The following RPL10 variants were observed in gnomAD, a reference collection of about 807,000 sequenced individuals.
RPL10 encodes the protein large ribosomal subunit protein uL16.
In RPL10, 1 loss-of-function variant was observed where a neutral mutation model predicts 15.7. The observed-to-expected ratio is 0.06, with a 90% confidence interval of 0.02 to 0.30. The LOEUF is 0.30. Among genes scored for constraint, RPL10 ranks in the 10% least tolerant of loss-of-function variants. The probability of loss-of-function intolerance (pLI) is 1.00; values close to 1 mark genes in which losing one functional copy is unlikely to be tolerated. For synonymous variants in RPL10, 59 were observed against 64.0 expected, an observed-to-expected ratio of 0.92 and a Z score of 0.37; for missense variants, 54 against 183.4, an observed-to-expected ratio of 0.29 and a Z score of 4.08.
At chrX:154,398,576 G>A in intron 2 of RPL10, 34 bp downstream of exon 2, 5 of 1,209,294 alleles carry the variant, frequency 4.1e-6, no homozygotes, top group Non-Finnish European at 5.6e-6. Context: ...TCACTGCTGG[G>A]AAACGGGCGG....
Position 154,401,180 on chromosome X carries a change from C to G in RPL10, c.*326C>G, listed in dbSNP as rs2068023904. On this transcript the variant is annotated 3_prime_UTR_variant, in exon 7 of 7. Coordinates refer to ENST00000369817, the MANE Select transcript of RPL10 (RefSeq NM_006013.5). ...TGCAGCAAAGCCTTGCAATCCCAGG[C>G]TGGGGTCAGCCTACAGTTGTGTTGC... is the stretch of plus-strand genomic sequence containing the variant. 2.8e-6 allele frequency: 1 copy of G among 362,464 alleles called. No homozygotes were observed. The highest frequency in any genetic ancestry group is 2.7e-5 in the African/African-American group (1 of 37,521). 29.9% of individuals were successfully genotyped at this position (362,464 alleles called of 1,213,427 possible).
intron 2 of RPL10, 197 bp downstream of exon 2, chrX:154,398,739 G>A (rs1029142395): frequency 6.0e-6 from 3 of 503,692 alleles, no homozygotes; most frequent in Non-Finnish European, 1.0e-5. Flanking sequence ...CCGTGTCGGT[G>A]TGGAAGCGAC....
intron 2 of RPL10, 110 bp downstream of exon 2, chrX:154,398,652 G>T (rs1223388856): frequency 1.0e-6 from 1 of 988,605 alleles, no homozygotes; most frequent in African/African-American, 1.9e-5. Context: ...CGGCGGCCCT[G>T]TCTTGGGAAC....
chrX:154,398,977 GTGCCCGAAAGTCTTAAATTGGGTGA>G (rs1250194633), intron 2 of RPL10: 3 of 364,227 alleles, frequency 8.2e-6, no homozygotes, highest in Non-Finnish European at 1.5e-5. Flanking sequence ...TTAGTGCCAC[GTGCCCGAAAGTCTTAAATTGGGTGA>G]CCTGAGCTGT....
rs901296786 is a variant in RPL10, at chrX:154,401,308, C to T, written c.*454C>T. Reference sequence around the variant, plus strand: ...GTGCATCACATTGGGCTTGTTCTCACCCATCTGGTTTGGCCATTCCTCCTT... The same window carrying T: ...GTGCATCACATTGGGCTTGTTCTCATCCATCTGGTTTGGCCATTCCTCCTT... On this transcript the variant is annotated 3_prime_UTR_variant, in exon 7 of 7. Coordinates refer to ENST00000369817, the MANE Select transcript of RPL10 (RefSeq NM_006013.5). 7 of 202,392 alleles carry T rather than the reference C, an allele frequency of 3.5e-5. No individual in the cohort carries two copies. Among genetic ancestry groups the T allele is most frequent in the African/African-American group, 1.2e-4 (4 of 34,297 alleles). The allele number at this position is 202,392 out of a possible 1,213,427, so 16.7% of individuals were successfully genotyped here.
chrX:154,398,454 T>C, intron 1 of RPL10, 43 bp from the exon 2 acceptor site: 1 of 1,187,930 alleles, frequency 8.4e-7, no homozygotes, highest in Non-Finnish European at 1.1e-6. Flanking sequence ...ACCTTTTAGG[T>C]CTGTTCTCGT....
In RPL10 at chrX:154,400,437, T is replaced by G. The variant is rs782289345; in HGVS notation, c.330-27T>G. 2.5e-6 allele frequency: 3 copies of G among 1,196,787 alleles called. No individual in the cohort carries two copies. In the African/African-American group the frequency reaches 5.3e-5, roughly 21 times the overall value. On this transcript the variant is annotated intron_variant, in intron 5 of 6. Transcript: ENST00000369817. ...AGGCCTTTCAGGTGGATGTTCATGT[T>G]TCTGACCTTGCACTACCCCAATGTA...
chrX:154,398,208 C>T, upstream of RPL10: 1 of 466,876 alleles, frequency 2.1e-6, no homozygotes, highest in Non-Finnish European at 3.9e-6. Context: ...ACCCGGTCAC[C>T]TCTCTGATCT....
intron 2 of RPL10, 30 bp from the exon 3 acceptor site, chrX:154,399,308 C>G (rs968121118): frequency 6.6e-6 from 8 of 1,206,697 alleles, no homozygotes; most frequent in Non-Finnish European, 9.0e-6. Flanking sequence ...GTGAACCTCA[C>G]CTAACCTGTG....
rs782769153 is a variant in RPL10, at chrX:154,400,903, C to G, written c.*49C>G. ...TCTTAATACTCACCAATAAATTCTACTTCCTGTCCACCTATGTCTTTGTAT... is the reference window on the plus strand; with the variant it reads ...TCTTAATACTCACCAATAAATTCTAGTTCCTGTCCACCTATGTCTTTGTAT... On this transcript the variant is annotated 3_prime_UTR_variant, in exon 7 of 7. Coordinates refer to ENST00000369817, the MANE Select transcript of RPL10 (RefSeq NM_006013.5). 160 of 1,208,383 alleles carry G rather than the reference C, an allele frequency of 1.3e-4. No individual in the cohort carries two copies. Among genetic ancestry groups the G allele is most frequent in the Non-Finnish European group, 1.7e-4 (151 of 894,447 alleles).
Position 154,399,888 on chromosome X carries a change from C to T in RPL10, c.276C>T (p.His92=). 1 of 1,212,180 alleles carries T rather than the reference C, an allele frequency of 8.2e-7. No homozygotes were observed. The highest frequency in any genetic ancestry group is 1.8e-5 in the South Asian group (1 of 57,040). Residue 92 remains histidine (H), a synonymous_variant, in exon 5 of 7, where the codon CAC becomes CAT. Coordinates refer to ENST00000369817, the MANE Select transcript of RPL10 (RefSeq NM_006013.5). ...GCTTCCATATCCGGGTGCGGCTCCACCCCTTCCACGTCATCCGCATCAACA... is the reference window on the plus strand; with the variant it reads ...GCTTCCATATCCGGGTGCGGCTCCATCCCTTCCACGTCATCCGCATCAACA... ...KDGFHIRVRL[H]PFHVIRINKM...
intron 5 of RPL10, chrX:154,400,245 G>A (rs782566970): frequency 1.8e-6 from 1 of 569,715 alleles, no homozygotes; most frequent in Non-Finnish European, 3.1e-6. Flanking sequence ...TGGCAGAGGA[G>A]CCCAGTGGCG....
rs782813115 is a variant in RPL10 at position 154,401,037 on chromosome X, G to T, written c.*183G>T. On this transcript the variant is annotated 3_prime_UTR_variant, in exon 7 of 7. Transcript: ENST00000369817. ...CCCTGCTCATGAGGCAGCAAACCCT[G>T]CAAAGGGCTGGGACTGGTGGCCTTA... 2.8e-5 allele frequency: 32 copies of T among 1,142,119 alleles called. No homozygotes were observed. The highest frequency in any genetic ancestry group is 1.8e-5 in the African/African-American group (1 of 55,375). 94.1% of individuals were successfully genotyped at this position (1,142,119 alleles called of 1,213,427 possible).
At chrX:154,398,615 C>T (rs1557184954) in intron 2 of RPL10, 73 bp downstream of exon 2, 3 of 1,161,901 alleles carry the variant, frequency 2.6e-6, no homozygotes, top group East Asian at 3.0e-5. Context: ...CCGCTGAAAA[C>T]AATTGTGGGG....
In RPL10 at chrX:154,400,776, G is replaced by A. The variant is rs782131160; in HGVS notation, c.567G>A (p.Arg189=). 1.8e-5 allele frequency: 22 copies of A among 1,211,511 alleles called. No homozygotes were observed. The Admixed American group carries it at 4.8e-4, about 26-fold the overall frequency. Reference sequence around the variant, plus strand: ...TTGAAGACATGGTGGCTGAAAAGCGGCTCATCCCAGATGGCTGTGGGGTCA... The same window carrying A: ...TTGAAGACATGGTGGCTGAAAAGCGACTCATCCCAGATGGCTGTGGGGTCA... ...DEFEDMVAEK[R]LIPDGCGVKY... Residue 189 remains arginine, a synonymous_variant, in exon 7 of 7, where the codon CGG becomes CGA. Coordinates refer to ENST00000369817, the MANE Select transcript of RPL10 (RefSeq NM_006013.5).
chrX:154,398,370 G>A (rs782306615), upstream of RPL10: 9 of 710,633 alleles, frequency 1.3e-5, no homozygotes, highest in East Asian at 3.2e-5. Flanking sequence ...CGCAGGCGGA[G>A]GAGCGCCTCT....
chrX:154,398,383 C>T lies in RPL10; in HGVS notation c.-35C>T, dbSNP rs963493758. ...TGCGCAGGCGGAGGAGCGCCTCTTT[C>T]CCTTCGGTGTGGTGAGTAAGCGCAG... is the stretch of plus-strand genomic sequence containing the variant. On this transcript the variant is annotated 5_prime_UTR_variant, in exon 1 of 7. Transcript: ENST00000369817. 2.0e-5 allele frequency: 16 copies of T among 796,182 alleles called. No homozygotes were observed. The highest frequency in any genetic ancestry group is 3.1e-5 in the Non-Finnish European group (16 of 522,294). 65.6% of individuals were successfully genotyped at this position (796,182 alleles called of 1,213,427 possible).
intron 2 of RPL10, chrX:154,399,056 A>G: frequency 2.3e-6 from 1 of 434,984 alleles, no homozygotes; most frequent in Non-Finnish European, 4.1e-6. Context: ...TGTCTTGAAG[A>G]GAGAATTTTT....
At chrX:154,398,877 G>A (rs1234551456) in intron 2 of RPL10, 5 of 374,068 alleles carry the variant, frequency 1.3e-5, no homozygotes, top group Non-Finnish European at 2.4e-5. Context: ...GTTGTCGGAC[G>A]TGAAGGGCAG....
Sources: allele counts gnomAD v4.1 joint callset, GRCh38; gene constraint gnomAD v4.1.1; transcripts MANE v1.5; gene names NCBI Gene and HGNC (gene_info 2026-07-23, HGNC 2026-07-21).